The following TRHDE variants were observed in gnomAD, a reference collection of about 807,000 sequenced individuals.
The protein encoded by TRHDE is thyrotropin-releasing hormone-degrading ectoenzyme.
Under a neutral mutation model 125.7 loss-of-function variants are expected in TRHDE, and 72 were observed. The ratio of observed to expected loss-of-function variants is 0.57; its 90% CI spans 0.47 to 0.70. TRHDE has a LOEUF of 0.70. TRHDE is among the 30% of genes least tolerant of loss of function. The probability of loss-of-function intolerance (pLI) is 0.00; values close to 1 mark genes in which losing one functional copy is unlikely to be tolerated. For missense variants in TRHDE, 1,110 were observed against 1,327.1 expected, an observed-to-expected ratio of 0.84 and a Z score of 2.54; for synonymous variants, 509 against 509.1, an observed-to-expected ratio of 1.00 and a Z score of 0.00.
chr12:72,238,584 C>T (rs1878411373), intron 2 of TRHDE, among the ~76,000 whole-genome samples: 1 of 151,046 alleles, frequency 6.6e-6, no homozygotes, highest in African/African-American at 2.4e-5. Flanking sequence ...TGATGTTCCC[C>T]TCCCTGTGTC....
chr12:72,392,903 A>G (rs1177064598), intron 3 of TRHDE, among the ~76,000 whole-genome samples: 1 of 152,198 alleles, frequency 6.6e-6, no homozygotes, highest in Admixed American at 6.5e-5. Flanking sequence ...GCTTATAAAT[A>G]TGTGCAGATT....
At chr12:72,637,700 T>G (rs1481507388) in intron 15 of TRHDE, among the ~76,000 whole-genome samples, 1 of 152,224 alleles carries the variant, frequency 6.6e-6, no homozygotes. Context: ...TCTGGTATGT[T>G]GTGTCTTTGT....
intron 2 of TRHDE, among the ~76,000 whole-genome samples, chr12:72,184,243 C>T (rs1407922929): frequency 1.3e-5 from 2 of 152,130 alleles, no homozygotes; most frequent in Non-Finnish European, 2.9e-5. Context: ...TCTGCTGTCA[C>T]CTGTATTTCT....
At chr12:72,569,614 A>G (rs1000020537) in intron 10 of TRHDE, among the ~76,000 whole-genome samples, 1 of 152,172 alleles carries the variant, frequency 6.6e-6, no homozygotes, top group East Asian at 1.9e-4. Context: ...TTACAGTAAA[A>G]TCTAATCTGG....
chr12:72,497,729 C>T (rs1307559670), intron 5 of TRHDE, among the ~76,000 whole-genome samples: 1 of 151,990 alleles, frequency 6.6e-6, no homozygotes, highest in African/African-American at 2.4e-5. Flanking sequence ...TTAAAAATAA[C>T]ATTAAATTTT....
At chr12:72,380,734 G>GCTTCCTTCCTTC (rs1227111391) in intron 3 of TRHDE, among the ~76,000 whole-genome samples, 1 of 82,078 alleles carries the variant, frequency 1.2e-5, no homozygotes, top group Non-Finnish European at 2.4e-5. Flanking sequence ...TTCCTTCCTT[G>GCTTCCTTCCTTC]CTTCCTTCCT....
chr12:72,341,280 C>G (rs1221155464), intron 2 of TRHDE, among the ~76,000 whole-genome samples: 2 of 151,958 alleles, frequency 1.3e-5, no homozygotes, highest in African/African-American at 4.8e-5. Flanking sequence ...CTATCCGTCC[C>G]CCAGCCCCCA....
chr12:72,088,744 T>C (rs1035573799), intron 1 of TRHDE, among the ~76,000 whole-genome samples: 13 of 152,156 alleles, frequency 8.5e-5, no homozygotes, highest in African/African-American at 3.1e-4. Context: ...CGGGCTTTTA[T>C]TATTGAAGCA....
chr12:72,197,552 T>C (rs1161750458), intron 2 of TRHDE, among the ~76,000 whole-genome samples: 2 of 152,142 alleles, frequency 1.3e-5, no homozygotes, highest in African/African-American at 4.8e-5. Context: ...TTTTAAATGG[T>C]TTATTTTTGG....
intron 2 of TRHDE, among the ~76,000 whole-genome samples, chr12:72,235,333 A>G (rs1257507086): frequency 6.6e-6 from 1 of 152,322 alleles, no homozygotes; most frequent in East Asian, 1.9e-4. Context: ...ACTGCATGAC[A>G]TAGATATTAT....
chr12:72,103,417 G>A (rs1032159139), intron 1 of TRHDE, among the ~76,000 whole-genome samples: 2 of 152,116 alleles, frequency 1.3e-5, no homozygotes, highest in Non-Finnish European at 2.9e-5. Context: ...AGGTCACAGG[G>A]AAAGGAGACC....
At chr12:72,167,578 A>G (rs888560286) in intron 2 of TRHDE, 2 of 152,212 alleles carry the variant, frequency 1.3e-5, no homozygotes, top group Admixed American at 1.3e-4. Flanking sequence ...AAGGGACTTC[A>G]CTGGTAATAC....
intron 5 of TRHDE, among the ~76,000 whole-genome samples, chr12:72,482,688 A>C (rs1413458200): frequency 6.6e-6 from 1 of 151,902 alleles, no homozygotes; most frequent in Non-Finnish European, 1.5e-5. Flanking sequence ...GAATATTTTC[A>C]TCTAAATATT....
chr12:72,263,387 G>C (rs890305460), intron 2 of TRHDE: 2 of 144,630 alleles, frequency 1.4e-5, no homozygotes, highest in African/African-American at 5.6e-5. Flanking sequence ...TTTCTCTAGT[G>C]TGTGTGCATG....
intron 2 of TRHDE, among the ~76,000 whole-genome samples, chr12:72,189,169 A>T (rs1877288074): frequency 6.6e-6 from 1 of 152,268 alleles, no homozygotes; most frequent in Admixed American, 6.5e-5. Context: ...TTACAGAGTG[A>T]AGAAATCTGA....
At chr12:72,280,655 G>C (rs1212399972) in intron 1 of TRHDE, among the ~76,000 whole-genome samples, 1 of 152,198 alleles carries the variant, frequency 6.6e-6, no homozygotes, top group East Asian at 1.9e-4. Flanking sequence ...GGAGCAGAAA[G>C]ACTGAGGGAA....
chr12:72,460,064 A>G (rs1041554488), intron 3 of TRHDE, among the ~76,000 whole-genome samples: 1 of 152,214 alleles, frequency 6.6e-6, no homozygotes, highest in Non-Finnish European at 1.5e-5. Flanking sequence ...TATAAGTGAT[A>G]GTATGTATGC....
chr12:72,479,472 CATTAGTATTCGTGT>C (rs1877055550), intron 5 of TRHDE, among the ~76,000 whole-genome samples: 1 of 151,912 alleles, frequency 6.6e-6, no homozygotes, highest in Non-Finnish European at 1.5e-5. Flanking sequence ...AAGCATAATT[CATTAGTATTCGTGT>C]ATATTCACTG....
intron 6 of TRHDE, among the ~76,000 whole-genome samples, chr12:72,517,054 T>C (rs574577512): frequency 6.6e-6 from 1 of 152,166 alleles, no homozygotes; most frequent in South Asian, 2.1e-4. Context: ...GCCAGTATTT[T>C]ATTGAGTATT....
Sources: gnomAD v4.1 joint callset for allele counts (sites outside exome capture counted in the v4.1 genomes callset) on GRCh38, gnomAD v4.1.1 for gene constraint, MANE v1.5 for transcripts, NCBI Gene and HGNC (gene_info 2026-07-23, HGNC 2026-07-21) for gene names.